Variants in CFAP299 observed in about 807,000 individuals in gnomAD.
CFAP299 encodes cilia and flagella associated protein 299, also known as cilia- and flagella-associated protein 299.
Under a neutral mutation model 27.0 loss-of-function variants are expected in CFAP299, and 21 were observed. The ratio of observed to expected loss-of-function variants is 0.78; its 90% confidence interval spans 0.55 to 1.12. The LOEUF (loss-of-function observed/expected upper bound fraction) is 1.12, where lower values mean the gene tolerates loss of function less well. Among genes scored for constraint, CFAP299 ranks in the 50% most tolerant of loss-of-function variants. CFAP299 has a pLI of 0.00. For synonymous variants in CFAP299, 104 were observed against 98.1 expected (o/e 1.06, Z -0.36); for missense variants, 310 against 276.6 (o/e 1.12, Z -0.86).
intron 3 of CFAP299, among the ~76,000 whole-genome samples, chr4:80,799,426 A>T (rs1219077365): frequency 1.1e-5 from 1 of 92,682 alleles, no homozygotes; most frequent in Non-Finnish European, 1.8e-5. Context: ...AGTAATATTT[A>T]TAATATATAT....
intron 2 of CFAP299, among the ~76,000 whole-genome samples, chr4:80,540,602 T>C (rs757978616): frequency 3.3e-5 from 5 of 152,192 alleles, no homozygotes; most frequent in Non-Finnish European, 2.9e-5. Flanking sequence ...AAAGTCTGTT[T>C]GCACATAAAA....
chr4:80,756,303 C>G (rs1725236066), intron 3 of CFAP299, among the ~76,000 whole-genome samples: 1 of 152,010 alleles, frequency 6.6e-6, no homozygotes, highest in Non-Finnish European at 1.5e-5. Context: ...TTTATAAAAA[C>G]TTACTGTGTT....
At chr4:80,678,763 G>A (rs1487263382) in intron 3 of CFAP299, among the ~76,000 whole-genome samples, 6 of 151,928 alleles carry the variant, frequency 3.9e-5, no homozygotes, top group African/African-American at 9.7e-5. Context: ...TTTGAAATAA[G>A]TATGGACTAG....
chr4:80,789,140 T>C (rs915677434), intron 3 of CFAP299, among the ~76,000 whole-genome samples: 3 of 152,094 alleles, frequency 2.0e-5, no homozygotes, highest in Admixed American at 1.3e-4. Context: ...AAGTCTTCAA[T>C]TCTAGGAAAT....
At chr4:80,412,632 G>T (rs867395212) in intron 2 of CFAP299, among the ~76,000 whole-genome samples, 1 of 152,166 alleles carries the variant, frequency 6.6e-6, no homozygotes. Flanking sequence ...CATAGACAAT[G>T]TGTAGTATAG....
chr4:80,692,785 G>T lies in CFAP299; in HGVS notation c.333+109602G>T, dbSNP rs146717723. 2.4e-3 allele frequency among the ~76,000 whole-genome samples: 365 copies of T among 152,162 alleles called. 1 individual carries two copies. The highest frequency in any genetic ancestry group is 8.4e-3 in the African/African-American group (347 of 41,506). On this transcript the variant is annotated intron_variant, in intron 3 of 5. Coordinates refer to ENST00000358105, the MANE Select transcript of CFAP299 (RefSeq NM_152770.3). ...ACCAACAAAATGGGAGAAAATTTTC[G>T]CAACCTACTCATCTGACAAAGGGCT...
At chr4:80,539,048 C>T (rs1411421480) in intron 2 of CFAP299, among the ~76,000 whole-genome samples, 1 of 152,074 alleles carries the variant, frequency 6.6e-6, no homozygotes, top group Non-Finnish European at 1.5e-5. Flanking sequence ...GGGAAGTATG[C>T]AATTTGTTCC....
intron 3 of CFAP299, among the ~76,000 whole-genome samples, chr4:80,747,691 G>C (rs550811705): frequency 6.6e-6 from 1 of 151,916 alleles, no homozygotes; most frequent in Admixed American, 6.6e-5. Flanking sequence ...CCCTGACATA[G>C]CTAGTATTTA....
chr4:80,449,331 T>C (rs1728785961), intron 2 of CFAP299, among the ~76,000 whole-genome samples: 1 of 152,020 alleles, frequency 6.6e-6, no homozygotes, highest in South Asian at 2.1e-4. Context: ...GTTATTTCAT[T>C]TTAAATTTTA....
At position 80,878,525 on chromosome 4, in the gene CFAP299, C is replaced by T. The variant is rs150820978; in HGVS notation, c.476+8390C>T. Among the ~76,000 whole-genome samples, 453 of 152,144 alleles carry T rather than the reference C, an allele frequency of 3.0e-3. 1 individual carries two copies. Among genetic ancestry groups the T allele is most frequent in the African/African-American group, 0.01 (425 of 41,544 alleles). On this transcript the variant is annotated intron_variant, in intron 4 of 5. Coordinates refer to ENST00000358105, the MANE Select transcript of CFAP299 (RefSeq NM_152770.3). The stretch of plus-strand genomic sequence containing the variant: ...GTTAAAGAAGACTTGCTATATCATT[C>T]CTCTAAAAAGATATATTTTCCTTTT...
At chr4:80,614,487 C>T (rs983771514) in intron 3 of CFAP299, among the ~76,000 whole-genome samples, 2 of 152,148 alleles carry the variant, frequency 1.3e-5, no homozygotes, top group Non-Finnish European at 2.9e-5. Flanking sequence ...GAAGATGGCT[C>T]GGATTTGATT....
intron 3 of CFAP299, among the ~76,000 whole-genome samples, chr4:80,656,007 C>G (rs936785586): frequency 5.9e-5 from 9 of 152,128 alleles, no homozygotes; most frequent in East Asian, 3.9e-4. Flanking sequence ...TCTCATCTGC[C>G]CATAATGAAC....
chr4:80,467,682 T>G (rs1046662334), intron 2 of CFAP299, among the ~76,000 whole-genome samples: 1 of 152,222 alleles, frequency 6.6e-6, no homozygotes, highest in Admixed American at 6.5e-5. Context: ...CTAAGTGCTA[T>G]GATACAGGTG....
At chr4:80,467,155 G>T (rs918124022) in intron 2 of CFAP299, among the ~76,000 whole-genome samples, 2 of 152,142 alleles carry the variant, frequency 1.3e-5, no homozygotes, top group African/African-American at 4.8e-5. Flanking sequence ...CAAGTCAATT[G>T]AGCACGACAC....
chr4:80,851,935 T>C (rs1186399104), intron 3 of CFAP299, among the ~76,000 whole-genome samples: 2 of 152,168 alleles, frequency 1.3e-5, no homozygotes, highest in African/African-American at 2.4e-5. Flanking sequence ...GTGTTTATTA[T>C]TGATCTGCGA....
chr4:80,864,297 C>G (rs546042791), intron 3 of CFAP299, among the ~76,000 whole-genome samples: 5 of 151,426 alleles, frequency 3.3e-5, no homozygotes, highest in African/African-American at 9.7e-5. Context: ...ATACATCACA[C>G]TCAGGCTGAA....
At chr4:80,799,821 T>TATATAATATAATATATA (rs1728251016) in intron 3 of CFAP299, among the ~76,000 whole-genome samples, 1 of 22,544 alleles carries the variant, frequency 4.4e-5, no homozygotes, top group African/African-American at 5.8e-4. Flanking sequence ...ATATATATAT[T>TATATAATATAATATATA]ATATATATTT....
At chr4:80,540,586 C>A (rs1415448173) in intron 2 of CFAP299, among the ~76,000 whole-genome samples, 1 of 151,950 alleles carries the variant, frequency 6.6e-6, no homozygotes, top group Non-Finnish European at 1.5e-5. Context: ...AGCTAGAAAC[C>A]AAAACAAAGT....
At chr4:80,550,944 G>A (rs187647968) in intron 2 of CFAP299, among the ~76,000 whole-genome samples, 366 of 152,086 alleles carry the variant, frequency 2.4e-3, no homozygotes, top group African/African-American at 8.2e-3. Flanking sequence ...TACAAACTTA[G>A]CAGAAAGCTG....
Sources: allele counts gnomAD v4.1 joint callset (sites outside exome capture counted in the v4.1 genomes callset), GRCh38; gene constraint gnomAD v4.1.1; transcripts MANE v1.5; gene names NCBI Gene and HGNC (gene_info 2026-07-23, HGNC 2026-07-21).